Variants in RYR2 observed in about 807,000 individuals in gnomAD.
RYR2 encodes the protein ryanodine receptor 2, also known as cardiac muscle ryanodine receptor-calcium release channel.
In RYR2, 227 loss-of-function variants were observed where a neutral mutation model predicts 601.1. The observed-to-expected ratio is 0.38, with a 90% CI of 0.34 to 0.42. RYR2 has a LOEUF of 0.42. Ranked by LOEUF, RYR2 falls within the 10% of genes least tolerant of loss-of-function variation. RYR2 has a pLI of 1.00. For synonymous variants in RYR2, 2,223 were observed against 2,175.1 expected (o/e 1.02, Z -0.61); for missense variants, 4,646 against 6,156.5 (o/e 0.75, Z 8.21).
At chr1:237,066,158 A>G (rs932142622) in intron 1 of RYR2, among the ~76,000 whole-genome samples, 1 of 152,230 alleles carries the variant, frequency 6.6e-6, no homozygotes, top group Admixed American at 6.5e-5. Flanking sequence ...TTTTCATGCT[A>G]TGGACATACC....
intron 99 of RYR2, among the ~76,000 whole-genome samples, chr1:237,807,282 A>G (rs924611093): frequency 2.0e-5 from 3 of 152,180 alleles, no homozygotes; most frequent in Non-Finnish European, 2.9e-5. Flanking sequence ...GTGTGTTTCT[A>G]CATAAAAGGT....
At chr1:237,238,795 G>T (rs1274412005) in intron 1 of RYR2, among the ~76,000 whole-genome samples, 2 of 152,258 alleles carry the variant, frequency 1.3e-5, no homozygotes, top group East Asian at 1.9e-4. Context: ...TTAGTGGCTT[G>T]ACTTTGTTTT....
At chr1:237,731,949 T>G in intron 77 of RYR2, 97 bp from the exon 78 acceptor site, 3 of 667,998 alleles carry the variant, frequency 4.5e-6, no homozygotes, top group East Asian at 2.9e-5. Flanking sequence ...AACGTTCGCA[T>G]TCCTTTTATT....
chr1:237,374,079 C>T (rs1700843426), intron 6 of RYR2, among the ~76,000 whole-genome samples: 1 of 152,192 alleles, frequency 6.6e-6, no homozygotes, highest in Non-Finnish European at 1.5e-5. Flanking sequence ...TAGGATATTG[C>T]CCCTAATGCA....
In RYR2 at chr1:237,149,060, C is replaced by T. The variant is rs563401288; in HGVS notation, c.48+106491C>T. On this transcript the variant is annotated intron_variant, in intron 1 of 104. Transcript: ENST00000366574. The stretch of plus-strand genomic sequence containing the variant: ...AGCAAATCAAGTAGGATAAATTGTT[C>T]AAAGCATTTCTGGAGTGTTCAGAGA... Among the ~76,000 whole-genome samples the T allele has an allele frequency of 1.5e-4, 23 of 152,170 alleles. No homozygotes were observed. In the South Asian group the frequency reaches 4.6e-3, roughly 30 times the overall value.
intron 94 of RYR2, 43 bp downstream of exon 94, chr1:237,792,366 T>TGTGTGTGCGTGTGTGTGTGTGTGC (rs781440406): frequency 1.3e-6 from 1 of 782,892 alleles, no homozygotes; most frequent in Non-Finnish European, 1.9e-6. Context: ...TGTGTGTGTG[T>TGTGTGTGCGTGTGTGTGTGTGTGC]GTGTGTGTGT....
intron 92 of RYR2, among the ~76,000 whole-genome samples, chr1:237,790,019 A>G (rs928135190): frequency 6.6e-6 from 1 of 152,210 alleles, no homozygotes; most frequent in Non-Finnish European, 1.5e-5. Flanking sequence ...GGCTGTGTAC[A>G]CAGAGGGGAA....
intron 1 of RYR2, among the ~76,000 whole-genome samples, chr1:237,167,506 A>G (rs1391612166): frequency 6.6e-6 from 1 of 152,166 alleles, no homozygotes; most frequent in Admixed American, 6.5e-5. Context: ...AGACTCGGTG[A>G]ATATAATAGC....
intron 3 of RYR2, among the ~76,000 whole-genome samples, chr1:237,352,127 G>T (rs926881347): frequency 6.6e-6 from 1 of 151,920 alleles, no homozygotes; most frequent in East Asian, 1.9e-4. Context: ...TGTAAGAAAA[G>T]TTACTTAAAC....
intron 23 of RYR2, among the ~76,000 whole-genome samples, chr1:237,508,840 T>C (rs1665564060): frequency 6.9e-6 from 1 of 145,820 alleles, no homozygotes; most frequent in Non-Finnish European, 1.5e-5. Flanking sequence ...CCTCCCGGGT[T>C]CACGCCATTC....
At chr1:237,369,749 T>G in intron 6 of RYR2, 141 bp downstream of exon 6, 1 of 671,564 alleles carries the variant, frequency 1.5e-6, no homozygotes, top group East Asian at 2.7e-5. Context: ...TTTGTACCCT[T>G]GTTAGTTTCT....
At chr1:237,127,865 A>G (rs1671694511) in intron 1 of RYR2, among the ~76,000 whole-genome samples, 4 of 122,112 alleles carry the variant, frequency 3.3e-5, no homozygotes, top group Admixed American at 8.3e-5. Context: ...CCTAGGTGGG[A>G]TGGCGGCCGG....
At chr1:237,354,443 AAAATATGCACT>A (rs369109846) in intron 3 of RYR2, among the ~76,000 whole-genome samples, 100 of 152,234 alleles carry the variant, frequency 6.6e-4, no homozygotes, top group African/African-American at 2.2e-3. Context: ...GATAGCACTA[AAAATATGCACT>A]AAATATGCAC....
At chr1:237,235,351 G>A (rs931576429) in intron 1 of RYR2, among the ~76,000 whole-genome samples, 2 of 152,170 alleles carry the variant, frequency 1.3e-5, no homozygotes, top group African/African-American at 4.8e-5. Flanking sequence ...CCCTGAAAGT[G>A]AAATCTGGAG....
intron 98 of RYR2, among the ~76,000 whole-genome samples, chr1:237,805,640 TATAAC>T (rs1282379337): frequency 5.3e-5 from 8 of 150,192 alleles, no homozygotes; most frequent in African/African-American, 1.2e-4. Context: ...ATGGAGTAAT[TATAAC>T]AGAGTGAAAT....
intron 38 of RYR2, among the ~76,000 whole-genome samples, chr1:237,621,360 A>G (rs1245073989): frequency 1.3e-5 from 2 of 152,148 alleles, no homozygotes; most frequent in South Asian, 4.1e-4. Context: ...TTTTGAAAAC[A>G]AAGAGTAAAA....
chr1:237,495,460 G>A (rs886870773), intron 19 of RYR2, among the ~76,000 whole-genome samples: 1 of 152,098 alleles, frequency 6.6e-6, no homozygotes, highest in South Asian at 2.1e-4. Flanking sequence ...ATTAAATTAT[G>A]TTACCTCTGC....
At chr1:237,440,999 GAA>G (rs57064786) in intron 12 of RYR2, among the ~76,000 whole-genome samples, 32 of 149,750 alleles carry the variant, frequency 2.1e-4, no homozygotes, top group African/African-American at 2.7e-4. Flanking sequence ...CACTAATAAT[GAA>G]AAAAAAAAAT....
intron 1 of RYR2, among the ~76,000 whole-genome samples, chr1:237,175,502 C>T (rs1677923211): frequency 6.6e-6 from 1 of 152,048 alleles, no homozygotes; most frequent in Non-Finnish European, 1.5e-5. Flanking sequence ...ATGTACCTAC[C>T]TATATGCTCA....
Sources: allele counts gnomAD v4.1 joint callset (sites outside exome capture counted in the v4.1 genomes callset), GRCh38; gene constraint gnomAD v4.1.1; transcripts MANE v1.5; gene names NCBI Gene and HGNC (gene_info 2026-07-23, HGNC 2026-07-21).